Variants in CACNB2 observed in about 807,000 individuals in gnomAD.
CACNB2 encodes the protein voltage-dependent L-type calcium channel subunit beta-2.
CACNB2 carries 42 observed loss-of-function variants against 73.3 expected under a neutral mutation model. That is an observed-to-expected ratio of 0.57 (90% confidence interval 0.45 to 0.74). CACNB2 has a LOEUF of 0.74. Among genes scored for constraint, CACNB2 ranks in the 30% least tolerant of loss-of-function variants. The probability of loss-of-function intolerance (pLI) is 0.00; values close to 1 mark genes in which losing one functional copy is unlikely to be tolerated. For synonymous variants in CACNB2, 348 were observed against 310.3 expected (o/e 1.12, Z -1.28); for missense variants, 940 against 853.0 (o/e 1.10, Z -1.27).
At chr10:18,161,455 A>T (rs1017433307) in intron 2 of CACNB2, among the ~76,000 whole-genome samples, 59 of 152,066 alleles carry the variant, frequency 3.9e-4, no homozygotes, top group African/African-American at 1.3e-3. Flanking sequence ...CTATGACCCT[A>T]CCAGCTTTTC....
At chr10:18,363,680 C>T (rs2042231187) in intron 2 of CACNB2, among the ~76,000 whole-genome samples, 1 of 152,044 alleles carries the variant, frequency 6.6e-6, no homozygotes, top group Admixed American at 6.6e-5. Flanking sequence ...AAGGAAGTGT[C>T]TGAGCCAGAG....
intron 2 of CACNB2, among the ~76,000 whole-genome samples, chr10:18,224,971 A>C (rs545411593): frequency 2.6e-5 from 4 of 152,272 alleles, no homozygotes; most frequent in African/African-American, 9.6e-5. Context: ...TGTGGACACC[A>C]AGGTGTCCGC....
At chr10:18,346,871 A>G (rs1034750214) in intron 2 of CACNB2, among the ~76,000 whole-genome samples, 2 of 152,122 alleles carry the variant, frequency 1.3e-5, no homozygotes, top group Non-Finnish European at 2.9e-5. Context: ...TGCTGGGATT[A>G]CAGGTGTGAG....
intron 9 of CACNB2, among the ~76,000 whole-genome samples, chr10:18,522,175 C>T (rs997807335): frequency 6.6e-6 from 1 of 151,970 alleles, no homozygotes; most frequent in Non-Finnish European, 1.5e-5. Context: ...CTCCCATCAA[C>T]CCCATAAAGG....
At chr10:18,357,696 C>T (rs538479941) in intron 2 of CACNB2, among the ~76,000 whole-genome samples, 5 of 152,244 alleles carry the variant, frequency 3.3e-5, no homozygotes, top group Non-Finnish European at 7.4e-5. Flanking sequence ...TTATATTTTT[C>T]GCCCACATGA....
chr10:18,162,010 C>T lies in CACNB2; in HGVS notation c.213+11035C>T, dbSNP rs1588584407. ...ATTTCATGACAGCCATGAATAGACA[C>T]ATGCATTTGTACATATATGTGTGTC... On this transcript the variant is annotated intron_variant, in intron 2 of 13. Coordinates refer to ENST00000324631, the MANE Select transcript of CACNB2 (RefSeq NM_201596.3). 1.3e-5 allele frequency among the ~76,000 whole-genome samples: 2 copies of T among 152,116 alleles called. 1 individual carries two copies. Among genetic ancestry groups the T allele is most frequent in the South Asian group, 4.2e-4 (2 of 4,816 alleles).
At chr10:18,250,376 C>T (rs1333260990) in intron 2 of CACNB2, among the ~76,000 whole-genome samples, 1 of 152,192 alleles carries the variant, frequency 6.6e-6, no homozygotes, top group African/African-American at 2.4e-5. Context: ...TCTTACTGTC[C>T]TTTCTGTGGG....
intron 3 of CACNB2, among the ~76,000 whole-genome samples, chr10:18,440,463 A>T (rs1431686150): frequency 1.3e-5 from 2 of 152,100 alleles, no homozygotes; most frequent in African/African-American, 4.8e-5. Context: ...AGAGCTCAGG[A>T]GTTGGAGACC....
rs529114165 is a variant in CACNB2 at position 18,268,962 on chromosome 10, C to T, written c.213+117987C>T. On this transcript the variant is annotated intron_variant, in intron 2 of 13. Transcript: ENST00000324631. Reference sequence around the variant, plus strand: ...TTCTTGATCAAGAAGTGTCTCATAGCAGCACTGCTATGAGCTCCCAAATGT... The same window carrying T: ...TTCTTGATCAAGAAGTGTCTCATAGTAGCACTGCTATGAGCTCCCAAATGT... Among the ~76,000 whole-genome samples, 8 of 152,148 alleles carry T rather than the reference C, an allele frequency of 5.3e-5. No individual in the cohort carries two copies. The South Asian group carries it at 1.7e-3, about 32-fold the overall frequency.
chr10:18,204,198 C>T (rs2035002315), intron 2 of CACNB2, among the ~76,000 whole-genome samples: 1 of 152,138 alleles, frequency 6.6e-6, no homozygotes, highest in Non-Finnish European at 1.5e-5. Context: ...GAAACCAAAC[C>T]TTTTTCATCA....
intron 2 of CACNB2, among the ~76,000 whole-genome samples, chr10:18,331,274 G>A (rs562581937): frequency 2.0e-5 from 3 of 151,996 alleles, no homozygotes; most frequent in Admixed American, 6.6e-5. Context: ...ATGAGCCACC[G>A]TGCCTGGCCA....
intron 2 of CACNB2, among the ~76,000 whole-genome samples, chr10:18,319,610 T>TTTAAAAAATAATATAAATAA (rs2040323885): frequency 6.6e-6 from 1 of 152,022 alleles, no homozygotes; most frequent in African/African-American, 2.4e-5. Flanking sequence ...AGCTTAATAT[T>TTTAAAAAATAATATAAATAA]TTAAAAAATA....
chr10:18,314,772 AAAGAT>A (rs1353446288), intron 2 of CACNB2, among the ~76,000 whole-genome samples: 1 of 152,196 alleles, frequency 6.6e-6, no homozygotes, highest in Non-Finnish European at 1.5e-5. Context: ...AGGTCCAATA[AAAGAT>A]GTTTGTTTGA....
chr10:18,211,328 T>C (rs1161032234), intron 2 of CACNB2, among the ~76,000 whole-genome samples: 1 of 152,140 alleles, frequency 6.6e-6, no homozygotes, highest in Non-Finnish European at 1.5e-5. Context: ...AATGCATAAT[T>C]CCCCATTCTT....
At chr10:18,398,714 C>A (rs912984) in intron 2 of CACNB2, among the ~76,000 whole-genome samples, 92,718 of 148,970 alleles carry the variant, frequency 0.62, 28,674 homozygotes, top group Middle Eastern at 0.73. Flanking sequence ...CACACACACA[C>A]AATTGTTTTT....
intron 2 of CACNB2, among the ~76,000 whole-genome samples, chr10:18,212,464 A>G (rs945745074): frequency 6.6e-6 from 1 of 152,132 alleles, no homozygotes; most frequent in Non-Finnish European, 1.5e-5. Context: ...CCAGTCTATG[A>G]GTTGGTTTTC....
At chr10:18,478,845 T>C (rs752767143) in intron 3 of CACNB2, among the ~76,000 whole-genome samples, 28 of 152,160 alleles carry the variant, frequency 1.8e-4, no homozygotes, top group Non-Finnish European at 2.8e-4. Context: ...GCAGAAACCA[T>C]TGGTCTCTTT....
At chr10:18,261,570 G>A (rs1030555114) in intron 2 of CACNB2, among the ~76,000 whole-genome samples, 5 of 152,182 alleles carry the variant, frequency 3.3e-5, no homozygotes, top group African/African-American at 1.2e-4. Context: ...CTTGCGCGGG[G>A]ATTGGTTTGA....
At chr10:18,233,502 A>T (rs1007568123) in intron 2 of CACNB2, among the ~76,000 whole-genome samples, 1 of 152,020 alleles carries the variant, frequency 6.6e-6, no homozygotes, top group Non-Finnish European at 1.5e-5. Flanking sequence ...GTTAGGTTAA[A>T]AAAAAAAGAA....
Sources: allele counts gnomAD v4.1 joint callset (sites outside exome capture counted in the v4.1 genomes callset), GRCh38; gene constraint gnomAD v4.1.1; transcripts MANE v1.5; gene names NCBI Gene and HGNC (gene_info 2026-07-23, HGNC 2026-07-21).